TCF20: variants seen among roughly 807,000 people sequenced by gnomAD.
TCF20 encodes transcription factor 20, also known as SPRE-binding protein.
In TCF20, 3 loss-of-function variants were observed where a neutral mutation model predicts 148.6. The ratio of observed to expected loss-of-function variants is 0.02; its 90% CI spans 0.01 to 0.05. The LOEUF (loss-of-function observed/expected upper bound fraction) is 0.05. Ranked by LOEUF, TCF20 falls within the 10% of genes least tolerant of loss-of-function variation. The pLI is 1.00. For synonymous variants in TCF20, 1,049 were observed against 909.5 expected, an observed-to-expected ratio of 1.15 and a Z score of -2.76; for missense variants, 2,350 against 2,429.3, an observed-to-expected ratio of 0.97 and a Z score of 0.69.
At chr22:42,334,116 C>A (rs1928024713) in intron 1 of TCF20, among the ~76,000 whole-genome samples, 1 of 152,192 alleles carries the variant, frequency 6.6e-6, no homozygotes, top group Non-Finnish European at 1.5e-5. Context: ...GGTTCCCTGT[C>A]CAGAGCCTGA....
At chr22:42,218,377 C>T (rs1184903689) in intron 1 of TCF20, among the ~76,000 whole-genome samples, 2 of 152,146 alleles carry the variant, frequency 1.3e-5, no homozygotes, top group Admixed American at 1.3e-4. Context: ...CCATACTGTT[C>T]CAGCTGGCTC....
intron 1 of TCF20, among the ~76,000 whole-genome samples, chr22:42,231,076 C>A (rs540712565): frequency 3.3e-5 from 5 of 152,086 alleles, no homozygotes; most frequent in African/African-American, 1.2e-4. Context: ...GCAGGAGAAT[C>A]GCTTGAACTC....
At chr22:42,163,581 C>T (rs1404265872) in intron 5 of TCF20, among the ~76,000 whole-genome samples, 2 of 152,342 alleles carry the variant, frequency 1.3e-5, no homozygotes, top group East Asian at 1.9e-4. Context: ...TTCAAGAGAG[C>T]TAAAGCTCAG....
Position 42,210,027 on chromosome 22 carries a change from G to C in TCF20, c.5279C>G (p.Ser1760Cys). ...KVRHKSASNG[S>C]KTDTEEEEEQ... is the part of the protein sequence containing the mutation. ...TTCCTCCTCCTCAGTGTCCGTCTTG[G>C]AGCCATTAGAAGCACTTTTGTGCCG... Residue 1760 changes from serine (S) to cysteine (C), a missense_variant, in exon 2 of 6, where the codon TCC (serine) becomes TGC (cysteine). Physicochemically the swap from Ser to Cys is moderately radical, Grantham distance 112. Transcript: ENST00000677622. This position sits in a 1 kb window ranked among gnomAD's most constrained non-coding sequence, Gnocchi z 4.7. 1 of 1,612,762 alleles carries C rather than the reference G, an allele frequency of 6.2e-7. No individual in the cohort carries two copies. Among genetic ancestry groups the C allele is most frequent in the South Asian group, 1.1e-5 (1 of 91,076 alleles).
chr22:42,307,470 C>T (rs1256936666), intron 1 of TCF20, among the ~76,000 whole-genome samples: 1 of 152,224 alleles, frequency 6.6e-6, no homozygotes, highest in Non-Finnish European at 1.5e-5. Context: ...ATCCCTAGCT[C>T]CCTCTGATCT....
chr22:42,209,622 C>T (rs779775737), intron 2 of TCF20, 29 bp downstream of exon 2: 54 of 1,551,108 alleles, frequency 3.5e-5, no homozygotes, highest in Non-Finnish European at 4.1e-5. Context: ...ATAAAAATCC[C>T]AAGCTGGTAA....
chr22:42,245,245 G>A (rs964987777), intron 1 of TCF20, among the ~76,000 whole-genome samples: 1 of 151,812 alleles, frequency 6.6e-6, no homozygotes, highest in African/African-American at 2.4e-5. Context: ...GCACCACTAT[G>A]CCCGGCTATT....
chr22:42,172,716 T>C (rs781156681), intron 3 of TCF20, among the ~76,000 whole-genome samples: 2 of 151,982 alleles, frequency 1.3e-5, no homozygotes, highest in Non-Finnish European at 2.9e-5. Context: ...AGGAGGGAGG[T>C]AGGAAAAACA....
chr22:42,224,534 CAAAAAAAAAAAAAA>C lies in TCF20; in HGVS notation c.-36-9207_-36-9194del, dbSNP rs66858906. On this transcript the variant is annotated intron_variant, in intron 1 of 5. Transcript: ENST00000677622. ...TGGTTAGGTTAGGCTAAAGCTGGTA[CAAAAAAAAAAAAAA>C]AAAAAAAAAAAAAGCACCATAAATG... is the stretch of plus-strand genomic sequence containing the variant. 3.1e-3 allele frequency among the ~76,000 whole-genome samples: 121 copies of C among 39,586 alleles called. 1 individual carries two copies. The highest frequency in any genetic ancestry group is 5.8e-3 in the African/African-American group (60 of 10,376). 26.0% of individuals were successfully genotyped at this position (39,586 alleles called of 152,430 possible). A position where few individuals can be genotyped will look rare whatever the true frequency, so the allele number is the denominator to read the frequency against.
chr22:42,294,105 G>C (rs2147028140), intron 1 of TCF20, among the ~76,000 whole-genome samples: 1 of 152,298 alleles, frequency 6.6e-6, no homozygotes. Flanking sequence ...GAAGAGCCTG[G>C]GAAGTGGGAA....
At chr22:42,321,060 C>T (rs542184287) in intron 1 of TCF20, among the ~76,000 whole-genome samples, 3 of 152,322 alleles carry the variant, frequency 2.0e-5, no homozygotes, top group African/African-American at 4.8e-5. Context: ...AGTCAGGCAA[C>T]GCAGACTTAC....
chr22:42,216,579 G>A (rs563746868), intron 1 of TCF20, among the ~76,000 whole-genome samples: 69 of 152,198 alleles, frequency 4.5e-4, no homozygotes, highest in African/African-American at 1.5e-3. Flanking sequence ...GTGAATAGCA[G>A]TGACTATTCT....
chr22:42,265,168 G>A (rs981653159), intron 1 of TCF20, among the ~76,000 whole-genome samples: 1 of 152,228 alleles, frequency 6.6e-6, no homozygotes, highest in African/African-American at 2.4e-5. Context: ...TTGTCGCCAT[G>A]AGAACCTTTT....
rs1927120659 is a variant in TCF20, at chr22:42,290,904, C to A, written c.-37+52575G>T. On this transcript the variant is annotated intron_variant, in intron 1 of 1. Coordinates refer to the TCF20 transcript ENST00000515426. The surrounding 1 kb of genome is among the most constrained non-coding windows in gnomAD (Gnocchi z 4.2). ...ACATCTTCAGGGGCTTTGCAAAGCA[C>A]CCCCTCTTACCTTACCTCGGTACAA... 6.6e-6 allele frequency among the ~76,000 whole-genome samples: 1 copy of A among 152,180 alleles called. No homozygotes were observed. The highest frequency in any genetic ancestry group is 1.5e-5 in the Non-Finnish European group (1 of 68,034).
chr22:42,341,249 C>T (rs982592211), intron 1 of TCF20, among the ~76,000 whole-genome samples: 1 of 152,194 alleles, frequency 6.6e-6, no homozygotes, highest in East Asian at 1.9e-4. Context: ...CCGGGGGACA[C>T]GCTAATGAAG....
At chr22:42,333,647 G>A (rs74347318) in intron 1 of TCF20, among the ~76,000 whole-genome samples, 189 of 152,340 alleles carry the variant, frequency 1.2e-3, no homozygotes, top group African/African-American at 4.2e-3. Context: ...CTTGCCCCTC[G>A]CCACAAAGTG....
intron 4 of TCF20, 42 bp from the exon 5 acceptor site, chr22:42,168,778 G>A (rs1258851552): frequency 1.9e-6 from 3 of 1,567,990 alleles, no homozygotes; most frequent in African/African-American, 2.7e-5. Flanking sequence ...AGGTGGGAGA[G>A]GACAGTGCAG....
rs55957769 is a variant in TCF20, at chr22:42,177,152, C to T, written c.5749+2457G>A. Among the ~76,000 whole-genome samples the T allele has an allele frequency of 6.8e-3, 1,042 of 152,224 alleles. 16 individuals are homozygous for T. The highest frequency in any genetic ancestry group is 0.024 in the African/African-American group (1,002 of 41,508). Reference sequence around the variant, plus strand: ...AAAAAACGCTGGGCGCGGTGGCTCACGTCTGTAATCCCAGCACTTTGGGAG... The same window carrying T: ...AAAAAACGCTGGGCGCGGTGGCTCATGTCTGTAATCCCAGCACTTTGGGAG... On this transcript the variant is annotated intron_variant, in intron 3 of 5. Coordinates refer to ENST00000677622, the MANE Select transcript of TCF20 (RefSeq NM_001378418.1).
rs750762951 is a variant in TCF20, at chr22:42,212,530, C to T, written c.2776G>A (p.Gly926Arg). Residue 926 changes from glycine (G) to arginine (R), a missense_variant, in exon 2 of 6, where the codon GGG becomes AGG. Transcript: ENST00000677622. Reference sequence around the variant, plus strand: ...TCAAAGTCTTCCTCTTTTATCTGCCCGCTCTGGGATTTCAGCTTGGTTTCC... The same window carrying T: ...TCAAAGTCTTCCTCTTTTATCTGCCTGCTCTGGGATTTCAGCTTGGTTTCC... ...SMETKLKSQS[G>R]QIKEEDFEQS... is the part of the protein sequence containing the mutation. 3.1e-6 allele frequency: 5 copies of T among 1,613,876 alleles called. No homozygotes were observed. Among genetic ancestry groups the T allele is most frequent in the East Asian group, 2.2e-5 (1 of 44,882 alleles).
Sources: gnomAD v4.1 joint callset for allele counts (sites outside exome capture counted in the v4.1 genomes callset) on GRCh38, gnomAD v4.1.1 for gene constraint, Gnocchi (gnomAD v3.1) non-coding constraint, MANE v1.5 for transcripts, NCBI Gene and HGNC (gene_info 2026-07-23, HGNC 2026-07-21) for gene names.